The following RAD51B variants were observed in gnomAD, a reference collection of about 807,000 sequenced individuals.
The protein encoded by RAD51B is RAD51 paralog B, also known as DNA repair protein RAD51 homolog 2.
RAD51B carries 38 observed loss-of-function variants against 42.2 expected under a neutral mutation model. The observed-to-expected ratio is 0.90, with a 90% CI of 0.70 to 1.18. RAD51B has a LOEUF of 1.18. Among genes scored for constraint, RAD51B ranks in the 50% most tolerant of loss-of-function variants. The pLI, the probability that RAD51B is intolerant of heterozygous loss-of-function variation, is 0.00. For synonymous variants in RAD51B, 154 were observed against 145.2 expected (o/e 1.06, Z -0.43); for missense variants, 373 against 400.7 (o/e 0.93, Z 0.59).
At chr14:68,512,288 G>A (rs766827803) in intron 10 of RAD51B, among the ~76,000 whole-genome samples, 4 of 152,298 alleles carry the variant, frequency 2.6e-5, no homozygotes, top group South Asian at 2.1e-4. Flanking sequence ...GAGGGCTGGC[G>A]GGAACCCAGA....
chr14:67,848,766 A>G (rs1040041326), intron 4 of RAD51B, among the ~76,000 whole-genome samples: 2 of 152,150 alleles, frequency 1.3e-5, no homozygotes, highest in Admixed American at 1.3e-4. Context: ...GACCTCTTAT[A>G]AGGCTGTTCT....
chr14:68,037,169 CCTCCCCTCCCCTCCCCT>C, intron 7 of RAD51B, among the ~76,000 whole-genome samples: 1 of 27,246 alleles, frequency 3.7e-5, no homozygotes, highest in Admixed American at 3.2e-4. Context: ...CCTCCCCTCC[CCTCCCCTCCCCTCCCCT>C]CTCCTCTCCT....
chr14:68,613,744 C>G (rs747071089), downstream of RAD51B, among the ~76,000 whole-genome samples: 14 of 152,148 alleles, frequency 9.2e-5, no homozygotes, highest in Admixed American at 2.0e-4. Flanking sequence ...GTGAGCCACC[C>G]TGCCTGGCCA....
At chr14:68,471,827 G>T (rs143752615) in intron 10 of RAD51B, among the ~76,000 whole-genome samples, 17 of 152,172 alleles carry the variant, frequency 1.1e-4, no homozygotes, top group African/African-American at 2.9e-4. Flanking sequence ...TCCAGCGTTT[G>T]TCTGGGATCC....
intron 10 of RAD51B, among the ~76,000 whole-genome samples, chr14:68,496,175 TA>T (rs1884499586): frequency 6.6e-6 from 1 of 152,116 alleles, no homozygotes; most frequent in Non-Finnish European, 1.5e-5. Context: ...TATTCATCGG[TA>T]AAAGGGGGCT....
chr14:68,123,307 C>CCTCCTGAG (rs1417825826), intron 7 of RAD51B, among the ~76,000 whole-genome samples: 1 of 151,642 alleles, frequency 6.6e-6, no homozygotes, highest in African/African-American at 2.4e-5. Context: ...CCCACCTCAG[C>CCTCCTGAG]CTCCTGAGTA....
intron 8 of RAD51B, among the ~76,000 whole-genome samples, chr14:68,315,768 C>T (rs942581673): frequency 5.9e-5 from 9 of 152,278 alleles, no homozygotes; most frequent in Middle Eastern, 3.4e-3. Context: ...ATGATCTGCC[C>T]GCCTTGGCCT....
chr14:68,486,631 G>A (rs1216092157), intron 10 of RAD51B, among the ~76,000 whole-genome samples: 1 of 152,194 alleles, frequency 6.6e-6, no homozygotes. Context: ...TTAAAATGAA[G>A]CAAATTTTGC....
At chr14:68,447,825 C>G (rs2085457793) in intron 9 of RAD51B, among the ~76,000 whole-genome samples, 1 of 151,824 alleles carries the variant, frequency 6.6e-6, no homozygotes, top group Non-Finnish European at 1.5e-5. Context: ...GTTAGTTTCC[C>G]TTAATCATTA....
chr14:68,479,667 CT>C (rs34999023), downstream of RAD51B, among the ~76,000 whole-genome samples: 64 of 96,446 alleles, frequency 6.6e-4, no homozygotes, highest in Middle Eastern at 6.8e-3. Context: ...TCTTATTCTT[CT>C]TTTTTTTTTT....
chr14:68,590,547 A>G (rs190059948), intron 10 of RAD51B, among the ~76,000 whole-genome samples: 9 of 152,282 alleles, frequency 5.9e-5, no homozygotes, highest in Non-Finnish European at 1.2e-4. Context: ...ATCTATGGCA[A>G]AGGTGCCTGG....
chr14:68,089,099 C>A (rs982804153), intron 7 of RAD51B, among the ~76,000 whole-genome samples: 1 of 152,028 alleles, frequency 6.6e-6, no homozygotes, highest in South Asian at 2.1e-4. Flanking sequence ...GGCCCCCTTA[C>A]CTATATCCTC....
At chr14:68,091,000 C>T (rs1314059762) in intron 7 of RAD51B, among the ~76,000 whole-genome samples, 2 of 151,664 alleles carry the variant, frequency 1.3e-5, no homozygotes, top group South Asian at 2.1e-4. Flanking sequence ...TGGTTTCCAG[C>T]TTCATCCATG....
intron 10 of RAD51B, among the ~76,000 whole-genome samples, chr14:68,515,443 C>CTTCTT (rs1307103665): frequency 3.8e-5 from 2 of 52,706 alleles, no homozygotes; most frequent in African/African-American, 6.1e-5. Flanking sequence ...TCTTCTTCTT[C>CTTCTT]TTTTTTTTTT....
intron 7 of RAD51B, among the ~76,000 whole-genome samples, chr14:68,169,589 A>G (rs1211066361): frequency 6.6e-6 from 1 of 152,140 alleles, no homozygotes. Flanking sequence ...CTCCTCCCCC[A>G]GTCTGATATC....
chr14:67,857,556 A>G (rs2042035837), intron 4 of RAD51B, among the ~76,000 whole-genome samples: 1 of 152,254 alleles, frequency 6.6e-6, no homozygotes, highest in Admixed American at 6.5e-5. Flanking sequence ...CAAATATATC[A>G]TCTTAATTAA....
intron 8 of RAD51B, among the ~76,000 whole-genome samples, chr14:68,392,245 G>T (rs2083778628): frequency 6.6e-6 from 1 of 152,180 alleles, no homozygotes; most frequent in African/African-American, 2.4e-5. Context: ...TGGGTTTTGG[G>T]GTTGGCAAGT....
intron 7 of RAD51B, among the ~76,000 whole-genome samples, chr14:68,269,856 G>A (rs1189811618): frequency 6.6e-6 from 1 of 152,060 alleles, no homozygotes; most frequent in African/African-American, 2.4e-5. Flanking sequence ...TCTCTCTTTT[G>A]CGGAATCTGT....
intron 10 of RAD51B, among the ~76,000 whole-genome samples, chr14:68,511,757 A>G (rs1248209881): frequency 1.3e-5 from 2 of 152,146 alleles, no homozygotes; most frequent in African/African-American, 4.8e-5. Flanking sequence ...CATTTTACAG[A>G]TAGGGAAACT....
Sources: gnomAD v4.1 joint callset for allele counts (sites outside exome capture counted in the v4.1 genomes callset) on GRCh38, gnomAD v4.1.1 for gene constraint, MANE v1.5 for transcripts, NCBI Gene and HGNC (gene_info 2026-07-23, HGNC 2026-07-21) for gene names.